The following IKZF3 variants were observed in gnomAD, a reference collection of about 807,000 sequenced individuals.
IKZF3 encodes zinc finger protein Aiolos.
A neutral mutation model predicts 49.0 loss-of-function variants in IKZF3; 10 were observed. The observed-to-expected ratio is 0.20, with a 90% CI of 0.13 to 0.35. The LOEUF (loss-of-function observed/expected upper bound fraction) is 0.35, where lower values mean the gene tolerates loss of function less well. Among genes scored for constraint, IKZF3 ranks in the 10% least tolerant of loss-of-function variants. IKZF3 has a pLI of 1.00. For missense variants in IKZF3, 498 were observed against 664.8 expected (o/e 0.75, Z 2.76); for synonymous variants, 209 against 228.2 (o/e 0.92, Z 0.76).
intron 3 of IKZF3, among the ~76,000 whole-genome samples, chr17:39,801,953 G>A (rs943163495): frequency 6.6e-6 from 1 of 151,978 alleles, no homozygotes; most frequent in African/African-American, 2.4e-5. Flanking sequence ...CTGGCAGGGC[G>A]CAGTGGTTCA....
intron 5 of IKZF3, among the ~76,000 whole-genome samples, chr17:39,789,872 C>T (rs9914516): frequency 0.062 from 8,813 of 142,562 alleles, 386 homozygotes; most frequent in African/African-American, 0.13. Flanking sequence ...CTGCAACAGC[C>T]TAGGCAACAG....
intron 1 of IKZF3, among the ~76,000 whole-genome samples, chr17:39,862,727 T>C (rs2063248508): frequency 1.3e-5 from 2 of 152,292 alleles, no homozygotes; most frequent in Non-Finnish European, 1.5e-5. Context: ...TCTCTTTCCA[T>C]TTATAGTCTA....
chr17:39,775,204 GA>G (rs780519229), intron 7 of IKZF3, among the ~76,000 whole-genome samples: 2,476 of 136,328 alleles, frequency 0.018, 27 homozygotes, highest in African/African-American at 0.026. Context: ...CACAACTTAC[GA>G]AAAAAAAAAA....
intron 1 of IKZF3, among the ~76,000 whole-genome samples, chr17:39,859,978 T>A (rs2063171120): frequency 6.6e-6 from 1 of 152,142 alleles, no homozygotes; most frequent in Non-Finnish European, 1.5e-5. Context: ...ACTCCTGTAA[T>A]CCCAGCACTT....
chr17:39,792,635 G>A, intron 4 of IKZF3, 38 bp downstream of exon 4: 1 of 1,586,790 alleles, frequency 6.3e-7, no homozygotes, highest in Non-Finnish European at 8.6e-7. Flanking sequence ...GCTGCATTAG[G>A]AGAGTTTTCA....
chr17:39,860,852 C>T (rs193044846), intron 1 of IKZF3, among the ~76,000 whole-genome samples: 109 of 152,312 alleles, frequency 7.2e-4, no homozygotes, highest in African/African-American at 2.5e-3. Context: ...GAAACCTGCA[C>T]ATGTACCCCC....
intron 1 of IKZF3, among the ~76,000 whole-genome samples, chr17:39,833,434 G>A (rs1452362213): frequency 6.6e-6 from 1 of 152,072 alleles, no homozygotes; most frequent in East Asian, 1.9e-4. Flanking sequence ...ACATACTCCA[G>A]AGACAACTAC....
intron 2 of IKZF3, among the ~76,000 whole-genome samples, chr17:39,830,489 G>C (rs1271236697): frequency 6.6e-6 from 1 of 152,172 alleles, no homozygotes; most frequent in Non-Finnish European, 1.5e-5. Flanking sequence ...GTGAAAGGGA[G>C]CAGACATAAT....
intron 3 of IKZF3, among the ~76,000 whole-genome samples, chr17:39,808,687 C>T (rs1167318449): frequency 6.6e-6 from 1 of 152,034 alleles, no homozygotes; most frequent in African/African-American, 2.4e-5. Context: ...TGAGTTCTCT[C>T]GTAAGACAAA....
intron 3 of IKZF3, among the ~76,000 whole-genome samples, chr17:39,804,801 TA>T (rs1225594862): frequency 2.0e-5 from 3 of 152,212 alleles, no homozygotes; most frequent in African/African-American, 7.2e-5. Flanking sequence ...CTACCTCACT[TA>T]TTTACTTATA....
At chr17:39,803,706 T>G (rs1369506580) in intron 3 of IKZF3, among the ~76,000 whole-genome samples, 1 of 151,966 alleles carries the variant, frequency 6.6e-6, no homozygotes, top group Non-Finnish European at 1.5e-5. Flanking sequence ...AGAGGCAGGG[T>G]TTCTCCATGT....
chr17:39,836,996 A>G (rs2062305545), intron 1 of IKZF3, among the ~76,000 whole-genome samples: 1 of 152,072 alleles, frequency 6.6e-6, no homozygotes, highest in Non-Finnish European at 1.5e-5. Flanking sequence ...CAGTGGCACA[A>G]TCATGGTTCA....
chr17:39,789,330 C>T (rs1021805700), intron 5 of IKZF3, among the ~76,000 whole-genome samples: 16 of 151,976 alleles, frequency 1.1e-4, no homozygotes, highest in Admixed American at 2.6e-4. Flanking sequence ...TTTCGGAGGC[C>T]GAGGCAGGCG....
chr17:39,816,019 A>C (rs1378245857), intron 3 of IKZF3, among the ~76,000 whole-genome samples: 1 of 152,210 alleles, frequency 6.6e-6, no homozygotes, highest in Admixed American at 6.5e-5. Context: ...ACTCTTAAAA[A>C]TTCAGCTCTG....
chr17:39,837,120 G>A (rs1029675355), intron 1 of IKZF3, among the ~76,000 whole-genome samples: 4 of 151,448 alleles, frequency 2.6e-5, no homozygotes, highest in African/African-American at 7.3e-5. Flanking sequence ...CTTTTGTAGG[G>A]ACGGGGGTCT....
chr17:39,789,192 G>A (rs1214540424), intron 5 of IKZF3, among the ~76,000 whole-genome samples: 1 of 152,188 alleles, frequency 6.6e-6, no homozygotes, highest in Non-Finnish European at 1.5e-5. Flanking sequence ...CACTTTGGGA[G>A]GCCGAAGTGG....
chr17:39,800,240 A>G (rs1453991893), intron 3 of IKZF3, among the ~76,000 whole-genome samples: 4 of 152,230 alleles, frequency 2.6e-5, no homozygotes, highest in Admixed American at 6.5e-5. Flanking sequence ...TCTTAGACAT[A>G]CATCTTAAGT....
Position 39,795,596 on chromosome 17 carries a change from G to A in IKZF3, c.164-2663C>T, listed in dbSNP as rs547232561. Among the ~76,000 whole-genome samples the A allele has an allele frequency of 3.2e-4, 49 of 151,532 alleles. No homozygotes were observed. In the East Asian group the frequency reaches 3.7e-3, roughly 12 times the overall value. On this transcript the variant is annotated intron_variant, in intron 3 of 7. Coordinates refer to ENST00000346872, the MANE Select transcript of IKZF3 (RefSeq NM_012481.5). ...TGATTTTTGTGTTTTTAGTAAAGAC[G>A]GGGTTTCGCCATGTTGGCCAGGCTG...
At chr17:39,768,526 A>C (rs1362147591) in intron 7 of IKZF3, among the ~76,000 whole-genome samples, 1 of 152,196 alleles carries the variant, frequency 6.6e-6, no homozygotes, top group Non-Finnish European at 1.5e-5. Flanking sequence ...TGAGAGAATA[A>C]ACTCTGGTGT....
Sources: allele counts gnomAD v4.1 joint callset (sites outside exome capture counted in the v4.1 genomes callset), GRCh38; gene constraint gnomAD v4.1.1; transcripts MANE v1.5; gene names NCBI Gene and HGNC (gene_info 2026-07-23, HGNC 2026-07-21).